The following TAS2R1 variants were observed in gnomAD, a reference collection of about 807,000 sequenced individuals.
TAS2R1 encodes taste receptor type 2 member 1.
For synonymous variants in TAS2R1, 141 were observed against 134.2 expected (o/e 1.05, Z -0.35); for missense variants, 370 against 353.4 (o/e 1.05, Z -0.38).
At chr5:9,785,567 G>A in the TAS2R1 span, among the ~76,000 whole-genome samples, 1 of 152,142 alleles carries the variant, frequency 6.6e-6, no homozygotes, top group Non-Finnish European at 1.5e-5. Flanking sequence ...AATTGAAGCT[G>A]AAACATTTTT....
At chr5:9,807,691 C>G in the TAS2R1 span, among the ~76,000 whole-genome samples, 1 of 152,120 alleles carries the variant, frequency 6.6e-6, no homozygotes, top group Non-Finnish European at 1.5e-5. Flanking sequence ...CATATGTTCT[C>G]ACTCATAAGT....
At chr5:9,644,047 G>C (rs1740139721) in intron 2 of TAS2R1, among the ~76,000 whole-genome samples, 1 of 152,130 alleles carries the variant, frequency 6.6e-6, no homozygotes, top group African/African-American at 2.4e-5. Flanking sequence ...GTGTGGGGCA[G>C]TATGAATAAG....
the TAS2R1 span, among the ~76,000 whole-genome samples, chr5:9,800,428 G>A: frequency 1.3e-5 from 2 of 152,196 alleles, no homozygotes; most frequent in African/African-American, 4.8e-5. Context: ...TTTGTGGTGG[G>A]AGGGAGGGTC....
At chr5:9,662,104 C>T (rs965753123) in intron 1 of TAS2R1, among the ~76,000 whole-genome samples, 1 of 152,156 alleles carries the variant, frequency 6.6e-6, no homozygotes, top group African/African-American at 2.4e-5. Flanking sequence ...TTACTCAGAA[C>T]AGCCTCCATG....
At chr5:9,891,317 G>C in the TAS2R1 span, among the ~76,000 whole-genome samples, 1 of 151,878 alleles carries the variant, frequency 6.6e-6, no homozygotes, top group African/African-American at 2.4e-5. Flanking sequence ...CTCATTTCAT[G>C]TTCTTTCATT....
At chr5:9,721,021 A>C in the TAS2R1 span, among the ~76,000 whole-genome samples, 2 of 149,756 alleles carry the variant, frequency 1.3e-5, no homozygotes, top group African/African-American at 4.8e-5. Flanking sequence ...GCTGCAGGGC[A>C]GTAGCTAAGA....
At chr5:9,720,419 A>T in the TAS2R1 span, among the ~76,000 whole-genome samples, 1 of 152,244 alleles carries the variant, frequency 6.6e-6, no homozygotes, top group Non-Finnish European at 1.5e-5. Context: ...AGGAAGCAAG[A>T]GAGCAAACGG....
intron 1 of TAS2R1, among the ~76,000 whole-genome samples, chr5:9,698,051 A>G (rs1741397816): frequency 6.6e-6 from 1 of 152,292 alleles, no homozygotes; most frequent in East Asian, 1.9e-4. Flanking sequence ...CCTCACCAAT[A>G]TAAAAAATCC....
At chr5:9,810,979 C>T in the TAS2R1 span, among the ~76,000 whole-genome samples, 8 of 152,186 alleles carry the variant, frequency 5.3e-5, no homozygotes, top group African/African-American at 1.9e-4. Flanking sequence ...TGGTTCCTAT[C>T]GCATGACCTC....
the TAS2R1 span, among the ~76,000 whole-genome samples, chr5:9,826,171 A>G: frequency 6.6e-6 from 1 of 152,152 alleles, no homozygotes; most frequent in Non-Finnish European, 1.5e-5. Flanking sequence ...AATGTCCTTC[A>G]CTTTATCCTA....
At chr5:9,719,381 T>C in the TAS2R1 span, among the ~76,000 whole-genome samples, 1 of 152,340 alleles carries the variant, frequency 6.6e-6, no homozygotes, top group East Asian at 1.9e-4. Context: ...CCTTCGGAGA[T>C]GTAAAATTTG....
At chr5:9,788,319 A>G in the TAS2R1 span, among the ~76,000 whole-genome samples, 2 of 152,196 alleles carry the variant, frequency 1.3e-5, no homozygotes, top group African/African-American at 4.8e-5. Flanking sequence ...TCCACCCGAT[A>G]AGCAGCTTAA....
chr5:9,768,520 C>T, the TAS2R1 span, among the ~76,000 whole-genome samples: 1 of 152,154 alleles, frequency 6.6e-6, no homozygotes, highest in Non-Finnish European at 1.5e-5. Flanking sequence ...CTCCTGGTTC[C>T]TTAAACACTT....
At chr5:9,858,907 A>C in the TAS2R1 span, among the ~76,000 whole-genome samples, 1 of 152,354 alleles carries the variant, frequency 6.6e-6, no homozygotes, top group South Asian at 2.1e-4. Flanking sequence ...AATAAAAGCA[A>C]GAATTAGTAG....
At chr5:9,675,291 C>T (rs1026148104) in intron 1 of TAS2R1, among the ~76,000 whole-genome samples, 2 of 151,458 alleles carry the variant, frequency 1.3e-5, no homozygotes, top group Non-Finnish European at 2.9e-5. Flanking sequence ...ATCAAAATCC[C>T]AGCAGGCTAT....
At chr5:9,748,285 T>TA in the TAS2R1 span, among the ~76,000 whole-genome samples, 1 of 152,280 alleles carries the variant, frequency 6.6e-6, no homozygotes, top group African/African-American at 2.4e-5. Flanking sequence ...CAGGCTGGAG[T>TA]GCAGTGGCAC....
intron 1 of TAS2R1, among the ~76,000 whole-genome samples, chr5:9,672,326 C>T (rs959515802): frequency 2.6e-5 from 4 of 151,964 alleles, no homozygotes; most frequent in Non-Finnish European, 4.4e-5. Context: ...ACAAAACACA[C>T]AATCAACAGA....
At chr5:9,844,735 G>A in the TAS2R1 span, among the ~76,000 whole-genome samples, 1 of 151,924 alleles carries the variant, frequency 6.6e-6, no homozygotes, top group Admixed American at 6.6e-5. Flanking sequence ...CATTTTTTTA[G>A]GCCTTTTGTA....
At chr5:9,831,630 TCAAATCGTAACATATTAG>T in the TAS2R1 span, among the ~76,000 whole-genome samples, 5 of 151,928 alleles carry the variant, frequency 3.3e-5, no homozygotes, top group Admixed American at 6.6e-5. Context: ...TGTTTTTTTT[TCAAATCGTAACATATTAG>T]TTTTAAAGAA....
Sources: gnomAD v4.1 joint callset for allele counts (sites outside exome capture counted in the v4.1 genomes callset) on GRCh38, gnomAD v4.1.1 for gene constraint, MANE v1.5 for transcripts, NCBI Gene and HGNC (gene_info 2026-07-23, HGNC 2026-07-21) for gene names.